ENTREP2: variants seen among roughly 807,000 people sequenced by gnomAD.
The protein encoded by ENTREP2 is endosomal transmembrane epsin interactor 2.
the ENTREP2 span, among the ~76,000 whole-genome samples, chr15:29,525,441 C>T: frequency 6.6e-6 from 1 of 152,310 alleles, no homozygotes; most frequent in South Asian, 2.1e-4. Flanking sequence ...ACAAAATAGA[C>T]GAACCTCAAA....
chr15:29,132,448 G>A, the ENTREP2 span, among the ~76,000 whole-genome samples: 4 of 152,164 alleles, frequency 2.6e-5, no homozygotes, highest in Non-Finnish European at 5.9e-5. Flanking sequence ...GCTGCCAGGC[G>A]GGCGCCCAGG....
At chr15:29,573,894 T>C in the ENTREP2 span, among the ~76,000 whole-genome samples, 1 of 152,206 alleles carries the variant, frequency 6.6e-6, no homozygotes, top group Non-Finnish European at 1.5e-5. Context: ...TCCTGTTGTA[T>C]TAAATGCAAC....
chr15:29,414,919 G>A, the ENTREP2 span, among the ~76,000 whole-genome samples: 2 of 152,054 alleles, frequency 1.3e-5, no homozygotes, highest in Non-Finnish European at 2.9e-5. Context: ...TAAATTCCTC[G>A]ACACATACAC....
At chr15:29,656,999 C>A in the ENTREP2 span, among the ~76,000 whole-genome samples, 2 of 152,116 alleles carry the variant, frequency 1.3e-5, no homozygotes, top group Non-Finnish European at 2.9e-5. Context: ...CCAGGGTGTT[C>A]GTGGTCTCGC....
the ENTREP2 span, among the ~76,000 whole-genome samples, chr15:29,146,516 TCTGA>T: frequency 7.2e-5 from 11 of 152,238 alleles, no homozygotes; most frequent in African/African-American, 2.4e-4. Context: ...GTCAATTGAG[TCTGA>T]CTAATGTTAC....
the ENTREP2 span, among the ~76,000 whole-genome samples, chr15:29,119,801 G>A: frequency 6.6e-6 from 1 of 152,208 alleles, no homozygotes; most frequent in Non-Finnish European, 1.5e-5. Flanking sequence ...CAAAGCTGGA[G>A]GGAACGGGAT....
the ENTREP2 span, among the ~76,000 whole-genome samples, chr15:29,125,602 C>T: frequency 1.7e-4 from 26 of 152,340 alleles, no homozygotes; most frequent in Non-Finnish European, 2.8e-4. Flanking sequence ...ACAGCAATGG[C>T]ATGGAGGTCA....
chr15:29,461,422 T>C, the ENTREP2 span, among the ~76,000 whole-genome samples: 1 of 152,184 alleles, frequency 6.6e-6, no homozygotes, highest in Non-Finnish European at 1.5e-5. Flanking sequence ...TTTGATGGTG[T>C]TGATTTTTAT....
At chr15:29,502,708 A>C in the ENTREP2 span, among the ~76,000 whole-genome samples, 1 of 152,096 alleles carries the variant, frequency 6.6e-6, no homozygotes, top group Admixed American at 6.6e-5. Context: ...AAGGTCTAGT[A>C]ACCAGCATAT....
At chr15:29,485,519 G>A in the ENTREP2 span, among the ~76,000 whole-genome samples, 1 of 152,210 alleles carries the variant, frequency 6.6e-6, no homozygotes, top group Non-Finnish European at 1.5e-5. Flanking sequence ...AACACTAGAA[G>A]GCAAATGAGC....
At chr15:29,142,544 T>A in the ENTREP2 span, among the ~76,000 whole-genome samples, 2 of 152,138 alleles carry the variant, frequency 1.3e-5, no homozygotes, top group Non-Finnish European at 2.9e-5. Context: ...AAGACACTGG[T>A]GAACTTGGTG....
the ENTREP2 span, among the ~76,000 whole-genome samples, chr15:29,151,064 G>A: frequency 0.057 from 8,748 of 152,258 alleles, 330 homozygotes; most frequent in East Asian, 0.16. Context: ...GTAGCATTCT[G>A]ATCAGTAGGC....
the ENTREP2 span, among the ~76,000 whole-genome samples, chr15:29,563,561 G>A: frequency 6.6e-6 from 1 of 152,214 alleles, no homozygotes; most frequent in Non-Finnish European, 1.5e-5. Context: ...GATGGGAGCA[G>A]TGGCTCGTGC....
the ENTREP2 span, among the ~76,000 whole-genome samples, chr15:29,124,107 G>A: frequency 6.6e-6 from 1 of 152,186 alleles, no homozygotes; most frequent in Non-Finnish European, 1.5e-5. Context: ...CATGCCAGGT[G>A]CAGGCAGCCA....
At chr15:29,120,086 G>A in the ENTREP2 span, among the ~76,000 whole-genome samples, 13 of 152,180 alleles carry the variant, frequency 8.5e-5, no homozygotes, top group East Asian at 1.9e-4. Flanking sequence ...ACTCTGCCCC[G>A]GAGTTGACCC....
At chr15:29,136,957 C>G in the ENTREP2 span, 1 of 1,217,418 alleles carries the variant, frequency 8.2e-7, no homozygotes, top group Non-Finnish European at 1.1e-6. Context: ...GCCTGCAGGA[C>G]CACTGCAACT....
chr15:29,297,945 G>T, the ENTREP2 span, among the ~76,000 whole-genome samples: 1 of 152,120 alleles, frequency 6.6e-6, no homozygotes, highest in Non-Finnish European at 1.5e-5. Context: ...AACAATAAAA[G>T]AATCTAGCAG....
chr15:29,419,800 G>C, the ENTREP2 span, among the ~76,000 whole-genome samples: 1 of 152,132 alleles, frequency 6.6e-6, no homozygotes, highest in Admixed American at 6.5e-5. Context: ...AAAGGAAGTA[G>C]CTGCCAACCT....
chr15:29,578,358 A>G, the ENTREP2 span, among the ~76,000 whole-genome samples: 4 of 152,168 alleles, frequency 2.6e-5, no homozygotes, highest in Admixed American at 2.0e-4. Context: ...ACTGGAAAAG[A>G]TATGTGTGCA....
Sources: gnomAD v4.1 joint callset for allele counts (sites outside exome capture counted in the v4.1 genomes callset) on GRCh38, gnomAD v4.1.1 for gene constraint, MANE v1.5 for transcripts, NCBI Gene and HGNC (gene_info 2026-07-23, HGNC 2026-07-21) for gene names.